Variants in TSEN2 observed in about 807,000 individuals in gnomAD.
The protein encoded by TSEN2 is tRNA-splicing endonuclease subunit Sen2.
TSEN2 carries 54 observed loss-of-function variants against 59.2 expected under a neutral mutation model. That is an observed-to-expected ratio of 0.91 (90% CI 0.73 to 1.14). The LOEUF is 1.14. Among genes scored for constraint, TSEN2 ranks in the 50% most tolerant of loss-of-function variants. The pLI is 0.00. For missense variants in TSEN2, 636 were observed against 576.2 expected (o/e 1.10, Z -1.06); for synonymous variants, 195 against 198.2 (o/e 0.98, Z 0.14).
At chr3:12,536,496 T>A (rs1433075052), downstream of TSEN2, among the ~76,000 whole-genome samples, 1 of 151,976 alleles carries the variant, frequency 6.6e-6, no homozygotes. Flanking sequence ...TCTCAGGAGG[T>A]GCTGGGAAGA....
intron 6 of TSEN2, among the ~76,000 whole-genome samples, chr3:12,509,042 A>C (rs1239236588): frequency 1.3e-5 from 2 of 152,134 alleles, no homozygotes; most frequent in African/African-American, 4.8e-5. Context: ...TTTTAATCAA[A>C]TGCTTTTTAA....
intron 8 of TSEN2, among the ~76,000 whole-genome samples, chr3:12,523,526 C>CTGTTTTTTTTTTTTTTT (rs2056820963): frequency 2.2e-5 from 1 of 46,480 alleles, no homozygotes; most frequent in Non-Finnish European, 4.3e-5. Flanking sequence ...CTCTTTGATT[C>CTGTTTTTTTTTTTTTTT]TTTTTTTTTT....
At chr3:12,533,786 A>G (rs1430639231), downstream of TSEN2, 1 of 152,086 alleles carries the variant, frequency 6.6e-6, no homozygotes, top group South Asian at 2.1e-4. Context: ...TAATGGGTCC[A>G]GACACTACTT....
chr3:12,498,818 T>C (rs1316447158), intron 4 of TSEN2, among the ~76,000 whole-genome samples: 1 of 152,252 alleles, frequency 6.6e-6, no homozygotes, highest in Non-Finnish European at 1.5e-5. Context: ...TGATTTATTA[T>C]TTGTTCACAA....
At chr3:12,538,863 T>G (rs2057742934) in intron 10 of TSEN2, 1 of 234,964 alleles carries the variant, frequency 4.3e-6, no homozygotes, top group African/African-American at 2.4e-5. Flanking sequence ...TAGCCCTCTC[T>G]TCATGTGCTT....
chr3:12,515,340 A>G (rs2055951689), intron 6 of TSEN2, among the ~76,000 whole-genome samples: 1 of 152,234 alleles, frequency 6.6e-6, no homozygotes, highest in African/African-American at 2.4e-5. Flanking sequence ...CTCAAAGCTT[A>G]TGACAGGGAG....
downstream of TSEN2, among the ~76,000 whole-genome samples, chr3:12,534,786 A>G (rs1441503499): frequency 1.4e-5 from 2 of 145,292 alleles, no homozygotes; most frequent in Non-Finnish European, 3.0e-5. Flanking sequence ...CCAGGGCGAC[A>G]GAGCGAGACT....
intron 3 of TSEN2, among the ~76,000 whole-genome samples, chr3:12,495,010 C>G (rs1270211491): frequency 6.7e-6 from 1 of 148,978 alleles, no homozygotes; most frequent in Non-Finnish European, 1.5e-5. Flanking sequence ...CTTGTAATCC[C>G]AGCTACTTGG....
chr3:12,482,863 A>G (rs1313047116), upstream of TSEN2, among the ~76,000 whole-genome samples: 1 of 152,220 alleles, frequency 6.6e-6, no homozygotes, highest in Non-Finnish European at 1.5e-5. Context: ...GCCTCTCTTC[A>G]GCTGTCTCTC....
chr3:12,524,138 G>T (rs181404716), intron 8 of TSEN2, among the ~76,000 whole-genome samples: 3 of 152,054 alleles, frequency 2.0e-5, no homozygotes, highest in Non-Finnish European at 2.9e-5. Flanking sequence ...TTTCTGTGTT[G>T]CCCAAGCTGG....
chr3:12,516,545 GTA>G, intron 6 of TSEN2, 64 bp from the exon 7 acceptor site: 1 of 1,521,614 alleles, frequency 6.6e-7, no homozygotes, highest in Non-Finnish European at 9.1e-7. Flanking sequence ...AGATCAGTCT[GTA>G]AAATGGTTTC....
rs772061041 is a variant in TSEN2 at position 12,519,069 on chromosome 3, C to T, written c.971C>T (p.Thr324Met). ...LSIYYEKEPL[T>M]IVKLWKAFTV... is the part of the protein sequence containing the mutation. ...TGTAAATAACTTTAGGAGCCTTTAACGATAGTGAAGCTCTGGAAAGCTTTC... is the reference window on the plus strand; with the variant it reads ...TGTAAATAACTTTAGGAGCCTTTAATGATAGTGAAGCTCTGGAAAGCTTTC... The change falls in exon 8 of 12, where the codon ACG becomes ATG. Residue 324 changes from threonine to methionine, a missense_variant. Transcript: ENST00000284995. 3.4e-5 allele frequency: 55 copies of T among 1,613,996 alleles called. No homozygotes were observed. In the Admixed American group the frequency reaches 4.7e-4, roughly 14 times the overall value.
At chr3:12,505,098 CTA>C in intron 5 of TSEN2, 54 bp from the exon 6 acceptor site, 4 of 986,584 alleles carry the variant, frequency 4.1e-6, no homozygotes, top group South Asian at 3.9e-5. Flanking sequence ...AATACATTCT[CTA>C]TGACATGTAG....
intron 3 of TSEN2, 122 bp from the exon 4 acceptor site, chr3:12,496,396 A>G: frequency 9.6e-7 from 1 of 1,040,280 alleles, no homozygotes. Context: ...TACTGACTGG[A>G]CAGTAAACTT....
At chr3:12,525,495 T>C (rs2057002065) in intron 8 of TSEN2, among the ~76,000 whole-genome samples, 1 of 152,214 alleles carries the variant, frequency 6.6e-6, no homozygotes, top group South Asian at 2.1e-4. Context: ...TCTAGCATTC[T>C]TCTGTAAGAA....
chr3:12,493,446 C>T (rs377633246), intron 3 of TSEN2, among the ~76,000 whole-genome samples: 10 of 152,134 alleles, frequency 6.6e-5, no homozygotes, highest in East Asian at 5.8e-4. Flanking sequence ...AAATAATAGT[C>T]GGCCAGGCGC....
In TSEN2 at chr3:12,528,887, G is replaced by C. The variant is rs1206119413; in HGVS notation, c.1100-1G>C. On this transcript the variant is annotated splice_acceptor_variant, in intron 8 of 11. Coordinates refer to ENST00000284995, the MANE Select transcript of TSEN2 (RefSeq NM_025265.4). LOFTEE classifies it high-confidence loss of function. ...TTCTTTTTTTTCTTTCTTCTTTGCA[G>C]TGCTATATCGGAAAGGCCCTCCATT... is the stretch of plus-strand genomic sequence containing the variant. The C allele has an allele frequency of 6.2e-7, 1 of 1,613,870 alleles. No individual in the cohort carries two copies. Among genetic ancestry groups the C allele is most frequent in the South Asian group, 1.1e-5 (1 of 91,068 alleles).
intron 7 of TSEN2, among the ~76,000 whole-genome samples, chr3:12,516,891 A>G (rs1461179767): frequency 6.6e-6 from 1 of 152,238 alleles, no homozygotes; most frequent in African/African-American, 2.4e-5. Context: ...TAGGAGAAGT[A>G]CAGTATCTTG....
rs116627250 is a variant in TSEN2, at chr3:12,532,673, G to A, written c.1350G>A (p.Leu450=). 2.4e-3 allele frequency: 3,871 copies of A among 1,614,082 alleles called. 74 individuals are homozygous for A. In the African/African-American group the frequency reaches 0.043, roughly 18 times the overall value. Residue 450 remains leucine, a synonymous_variant, in exon 12 of 12, where the codon CTG becomes CTA. Transcript: ENST00000284995. ...TTTATTGGTTGTAGGAGGTGATTCT[G>A]AGTCGATGGGTTTCTTCACGAGAGA... is the stretch of plus-strand genomic sequence containing the variant. ...MKRIKVQEVI[L]SRWVSSRERS...
Sources: allele counts gnomAD v4.1 joint callset (sites outside exome capture counted in the v4.1 genomes callset), GRCh38; gene constraint gnomAD v4.1.1; transcripts MANE v1.5; gene names NCBI Gene and HGNC (gene_info 2026-07-23, HGNC 2026-07-21).